The following PTPRN2 variants were observed in gnomAD, a reference collection of about 807,000 sequenced individuals.
PTPRN2 encodes protein tyrosine phosphatase receptor type N2.
In PTPRN2, 74 loss-of-function variants were observed where a neutral mutation model predicts 118.8. That is an observed-to-expected ratio of 0.62 (90% CI 0.52 to 0.76). The LOEUF is 0.76. Ranked by LOEUF, PTPRN2 falls within the 30% of genes least tolerant of loss-of-function variation. The pLI is 0.00. For missense variants in PTPRN2, 1,481 were observed against 1,394.4 expected, an observed-to-expected ratio of 1.06 and a Z score of -0.99; for synonymous variants, 641 against 608.0, an observed-to-expected ratio of 1.05 and a Z score of -0.80.
At chr7:158,471,433 T>G (rs1334158312) in intron 2 of PTPRN2, among the ~76,000 whole-genome samples, 1 of 152,198 alleles carries the variant, frequency 6.6e-6, no homozygotes, top group Non-Finnish European at 1.5e-5. Flanking sequence ...CTCACACCTG[T>G]AATCCCAGCA....
chr7:157,595,131 C>T (rs1801217379), intron 17 of PTPRN2, 107 bp downstream of exon 17: 2 of 969,148 alleles, frequency 2.1e-6, no homozygotes, highest in Admixed American at 3.9e-5. Context: ...ATTTGATGAG[C>T]ATTTGTAAGA....
intron 11 of PTPRN2, among the ~76,000 whole-genome samples, chr7:157,955,978 C>T (rs768753333): frequency 6.6e-6 from 1 of 152,202 alleles, no homozygotes; most frequent in South Asian, 2.1e-4. Flanking sequence ...GAAACCCGCA[C>T]ATTCTGACAG....
rs1402144357 is a variant in PTPRN2, at chr7:157,801,020, C to T, written c.1788+97653G>A. Among the ~76,000 whole-genome samples, 1 of 149,260 alleles carries T rather than the reference C, an allele frequency of 6.7e-6. No individual in the cohort carries two copies. The highest frequency in any genetic ancestry group is 6.7e-5 in the Admixed American group (1 of 14,916). On this transcript the variant is annotated intron_variant, in intron 12 of 22. Coordinates refer to ENST00000389418, the MANE Select transcript of PTPRN2 (RefSeq NM_002847.5). The surrounding 1 kb of genome is among the most constrained non-coding windows in gnomAD (Gnocchi z 4.2). Reference sequence around the variant, plus strand: ...ATATACACACATATACATATACACACACATATATATACACATATATATACA... The same window carrying T: ...ATATACACACATATACATATACACATACATATATATACACATATATATACA...
In PTPRN2 at chr7:157,784,735, GC is replaced by G. The variant is rs927648996; in HGVS notation, c.1789-101799del. On this transcript the variant is annotated intron_variant, in intron 12 of 22. Coordinates refer to ENST00000389418, the MANE Select transcript of PTPRN2 (RefSeq NM_002847.5). The surrounding 1 kb of genome is among the most constrained non-coding windows in gnomAD (Gnocchi z 4.6). The stretch of plus-strand genomic sequence containing the variant: ...GATCCCGTGGCAGTGCAAACCGAGG[GC>G]CCCCTGGGTCTCGACATTTCACCGC... 6.6e-6 allele frequency among the ~76,000 whole-genome samples: 1 copy of G among 151,844 alleles called. No homozygotes were observed. The highest frequency in any genetic ancestry group is 1.5e-5 in the Non-Finnish European group (1 of 67,974).
At position 157,585,011 on chromosome 7, in the gene PTPRN2, G is replaced by A. The variant is rs1291635738; in HGVS notation, c.2497-6871C>T. 1.3e-5 allele frequency among the ~76,000 whole-genome samples: 2 copies of A among 152,134 alleles called. No individual in the cohort carries two copies. Among genetic ancestry groups the A allele is most frequent in the East Asian group, 1.9e-4 (1 of 5,180 alleles). On this transcript the variant is annotated intron_variant, in intron 17 of 22. Transcript: ENST00000389418. This position sits in a 1 kb window ranked among gnomAD's most constrained non-coding sequence, Gnocchi z 5.2. ...AGGGTGACAAAACCTTCGTGATGCC[G>A]TCCATGACCAGCTCATGGTGCACCT...
chr7:158,044,780 A>C (rs573340180), intron 11 of PTPRN2, among the ~76,000 whole-genome samples: 1 of 152,290 alleles, frequency 6.6e-6, no homozygotes, highest in African/African-American at 2.4e-5. Context: ...TGGAAAAGAG[A>C]TCTTTTCCTG....
At chr7:157,952,932 C>T (rs559899123) in intron 11 of PTPRN2, among the ~76,000 whole-genome samples, 6 of 152,154 alleles carry the variant, frequency 3.9e-5, no homozygotes, top group Non-Finnish European at 8.8e-5. Flanking sequence ...ACCGAGACGT[C>T]AGCACGGCAG....
chr7:157,915,014 C>A (rs1798318253), intron 11 of PTPRN2, among the ~76,000 whole-genome samples: 1 of 152,010 alleles, frequency 6.6e-6, no homozygotes, highest in Non-Finnish European at 1.5e-5. Context: ...AAATTGTGGT[C>A]TCTTTTAAGA....
intron 3 of PTPRN2, among the ~76,000 whole-genome samples, chr7:158,208,735 G>A: frequency 6.6e-6 from 1 of 152,102 alleles, no homozygotes; most frequent in African/African-American, 2.4e-5. Context: ...GTAATAGTAA[G>A]TACACAGAAA....
chr7:157,612,949 G>A lies in PTPRN2; in HGVS notation c.2344+8413C>T, dbSNP rs554803943. Among the ~76,000 whole-genome samples the A allele has an allele frequency of 4.0e-3, 602 of 152,258 alleles. 2 individuals carry two copies. The highest frequency in any genetic ancestry group is 0.013 in the African/African-American group (555 of 41,546). The stretch of plus-strand genomic sequence containing the variant: ...CCGAAGGCCCCGCCTCCCCGCCCGG[G>A]TCTGCGGCTCCGTGAAGACACAGCA... On this transcript the variant is annotated intron_variant, in intron 15 of 22. Transcript: ENST00000389418.
intron 12 of PTPRN2, among the ~76,000 whole-genome samples, chr7:157,816,300 G>A (rs575937272): frequency 1.4e-4 from 22 of 152,180 alleles, no homozygotes; most frequent in Admixed American, 5.2e-4. Flanking sequence ...CGGTGTGGTC[G>A]GGGGCCTGGG....
intron 2 of PTPRN2, among the ~76,000 whole-genome samples, chr7:158,452,941 C>T (rs910008912): frequency 6.6e-6 from 1 of 152,214 alleles, no homozygotes. Flanking sequence ...CTGCAATCAA[C>T]GCTGGTACAG....
At position 157,596,998 on chromosome 7, in the gene PTPRN2, C is replaced by T. The variant is rs572993908; in HGVS notation, c.2419-1683G>A. 1.5e-4 allele frequency among the ~76,000 whole-genome samples: 23 copies of T among 152,294 alleles called. No individual in the cohort carries two copies. The highest frequency in any genetic ancestry group is 9.6e-4 in the East Asian group (5 of 5,184). On this transcript the variant is annotated intron_variant, in intron 16 of 22. Coordinates refer to ENST00000389418, the MANE Select transcript of PTPRN2 (RefSeq NM_002847.5). This position sits in a 1 kb window ranked among gnomAD's most constrained non-coding sequence, Gnocchi z 4.2. ...GCATTTGGGAAGCTGACGTGGGGCA[C>T]GTTTTCTTTAACAGCGAGCCAGTGA... is the stretch of plus-strand genomic sequence containing the variant.
At chr7:157,651,995 C>T (rs1805695811) in intron 14 of PTPRN2, among the ~76,000 whole-genome samples, 1 of 152,240 alleles carries the variant, frequency 6.6e-6, no homozygotes, top group Admixed American at 6.5e-5. Flanking sequence ...TGCACCTTCC[C>T]TGCGCCTGGG....
At chr7:158,491,439 T>A (rs1385522465) in intron 1 of PTPRN2, among the ~76,000 whole-genome samples, 1 of 152,220 alleles carries the variant, frequency 6.6e-6, no homozygotes, top group Non-Finnish European at 1.5e-5. Context: ...GAGATTGTTT[T>A]TGGTTTGGGG....
intron 11 of PTPRN2, among the ~76,000 whole-genome samples, chr7:157,932,436 G>A (rs2128781044): frequency 6.6e-6 from 1 of 152,310 alleles, no homozygotes; most frequent in South Asian, 2.1e-4. Flanking sequence ...TTTAGAATGG[G>A]GTGAGTCACT....
intron 2 of PTPRN2, among the ~76,000 whole-genome samples, chr7:158,409,390 A>G (rs4909082): frequency 0.95 from 144,138 of 152,200 alleles, 68,337 homozygotes; most frequent in East Asian, 0.97. Context: ...ACCCAGGCAT[A>G]AGCGTGGACC....
chr7:158,585,024 T>C (rs146574129), intron 1 of PTPRN2, among the ~76,000 whole-genome samples: 2 of 152,326 alleles, frequency 1.3e-5, no homozygotes, highest in African/African-American at 2.4e-5. Flanking sequence ...AATAAATAAA[T>C]AGATTACAAA....
chr7:158,033,014 C>T (rs954730575), intron 11 of PTPRN2, among the ~76,000 whole-genome samples: 3 of 151,592 alleles, frequency 2.0e-5, no homozygotes, highest in Admixed American at 6.6e-5. Flanking sequence ...TTCTGTAAGT[C>T]GCTCACTGAT....
Sources: allele counts gnomAD v4.1 joint callset (sites outside exome capture counted in the v4.1 genomes callset), GRCh38; gene constraint gnomAD v4.1.1; non-coding constraint Gnocchi (gnomAD v3.1); transcripts MANE v1.5; gene names NCBI Gene and HGNC (gene_info 2026-07-23, HGNC 2026-07-21).